Variants in SAMD5 observed in about 807,000 individuals in gnomAD.
SAMD5 encodes the protein sterile alpha motif domain containing 5.
SAMD5 carries 13 observed loss-of-function variants against 11.3 expected under a neutral mutation model. That is an observed-to-expected ratio of 1.15 (90% confidence interval 0.75 to 1.83). The LOEUF is 1.83. Ranked by LOEUF, SAMD5 falls within the 40% of genes most tolerant of loss-of-function variation. SAMD5 has a pLI of 0.00. For missense variants in SAMD5, 255 were observed against 239.1 expected (o/e 1.07, Z -0.44); for synonymous variants, 129 against 111.3 (o/e 1.16, Z -1.00).
downstream of SAMD5, among the ~76,000 whole-genome samples, chr6:147,742,144 A>T (rs6931879): frequency 0.56 from 84,971 of 152,000 alleles, 24,177 homozygotes; most frequent in Middle Eastern, 0.69. Flanking sequence ...ATGTGCAAAA[A>T]TGTAATAACA....
the SAMD5 span, among the ~76,000 whole-genome samples, chr6:147,809,398 C>T: frequency 2.6e-5 from 4 of 151,986 alleles, no homozygotes; most frequent in Non-Finnish European, 4.4e-5. Flanking sequence ...CTGTGGAGAA[C>T]GGACCACACA....
At chr6:147,613,058 A>G (rs1350822047) in intron 1 of SAMD5, among the ~76,000 whole-genome samples, 1 of 152,044 alleles carries the variant, frequency 6.6e-6, no homozygotes, top group Non-Finnish European at 1.5e-5. Flanking sequence ...AAAATTAGCC[A>G]TGTGTAGTGG....
chr6:147,781,304 T>A, the SAMD5 span, among the ~76,000 whole-genome samples: 4 of 152,134 alleles, frequency 2.6e-5, no homozygotes, highest in African/African-American at 9.6e-5. Context: ...TACAGGGACG[T>A]GCCACCATTC....
At chr6:147,926,965 G>T in the SAMD5 span, among the ~76,000 whole-genome samples, 3 of 152,100 alleles carry the variant, frequency 2.0e-5, no homozygotes, top group Admixed American at 2.0e-4. Context: ...CTTTGTCGAA[G>T]ATCAGATGGT....
intron 1 of SAMD5, among the ~76,000 whole-genome samples, chr6:147,706,442 G>A (rs1791326148): frequency 6.6e-6 from 1 of 152,166 alleles, no homozygotes; most frequent in African/African-American, 2.4e-5. Flanking sequence ...TGACCAGGCT[G>A]CTCTCGAACT....
At chr6:147,827,831 C>T in the SAMD5 span, among the ~76,000 whole-genome samples, 1 of 152,036 alleles carries the variant, frequency 6.6e-6, no homozygotes, top group Admixed American at 6.6e-5. Flanking sequence ...GCTCTGTGGC[C>T]CAGGCTGGAG....
chr6:147,818,776 A>C, the SAMD5 span, among the ~76,000 whole-genome samples: 4 of 152,216 alleles, frequency 2.6e-5, no homozygotes, highest in African/African-American at 9.7e-5. Flanking sequence ...AATAGTGATA[A>C]TCCAGAATGC....
intron 1 of SAMD5, among the ~76,000 whole-genome samples, chr6:147,625,459 C>T (rs896402827): frequency 1.3e-5 from 2 of 152,166 alleles, no homozygotes; most frequent in African/African-American, 4.8e-5. Context: ...GTTATTAAGT[C>T]AGTCAATTGT....
At chr6:147,735,698 G>A (rs1054880343) in intron 1 of SAMD5, among the ~76,000 whole-genome samples, 1 of 151,938 alleles carries the variant, frequency 6.6e-6, no homozygotes, top group African/African-American at 2.4e-5. Flanking sequence ...ATTCAAGGAG[G>A]GAGTTTCACT....
intron 1 of SAMD5, among the ~76,000 whole-genome samples, chr6:147,637,482 A>G (rs1790246349): frequency 1.3e-5 from 2 of 152,290 alleles, no homozygotes; most frequent in South Asian, 2.1e-4. Flanking sequence ...AGACTTCTCT[A>G]ATGTGCTTAT....
chr6:147,583,003 C>T (rs1406214920), intron 1 of SAMD5, among the ~76,000 whole-genome samples: 5 of 152,152 alleles, frequency 3.3e-5, no homozygotes, highest in African/African-American at 1.2e-4. Flanking sequence ...GCATCAGTGT[C>T]TGAGAAAACC....
At chr6:147,589,335 G>C (rs1440042264) in intron 1 of SAMD5, among the ~76,000 whole-genome samples, 1 of 152,096 alleles carries the variant, frequency 6.6e-6, no homozygotes, top group Non-Finnish European at 1.5e-5. Flanking sequence ...TCCATCTATA[G>C]GGACTTTTAA....
intron 1 of SAMD5, among the ~76,000 whole-genome samples, chr6:147,707,743 C>T (rs534492259): frequency 6.6e-6 from 1 of 152,196 alleles, no homozygotes; most frequent in East Asian, 1.9e-4. Context: ...TATTACCACC[C>T]CATACTAAAC....
At chr6:147,685,346 G>A (rs1790994279) in intron 1 of SAMD5, among the ~76,000 whole-genome samples, 1 of 152,114 alleles carries the variant, frequency 6.6e-6, no homozygotes. Context: ...ACAGGTGTTT[G>A]TATTTTTAGT....
intron 1 of SAMD5, among the ~76,000 whole-genome samples, chr6:147,692,904 T>G (rs1242302415): frequency 6.6e-6 from 1 of 152,228 alleles, no homozygotes; most frequent in Non-Finnish European, 1.5e-5. Flanking sequence ...GCTGTCTCTT[T>G]AGCACACAAT....
the SAMD5 span, among the ~76,000 whole-genome samples, chr6:147,875,118 T>C: frequency 6.6e-6 from 1 of 152,228 alleles, no homozygotes; most frequent in African/African-American, 2.4e-5. Flanking sequence ...AATAGTCACT[T>C]TAAAATTCTC....
At chr6:147,769,132 G>GT in the SAMD5 span, among the ~76,000 whole-genome samples, 1 of 152,146 alleles carries the variant, frequency 6.6e-6, no homozygotes, top group Non-Finnish European at 1.5e-5. Context: ...ATGTTAACCT[G>GT]CCTCACTGAC....
chr6:147,681,822 C>G (rs4452662), intron 1 of SAMD5, among the ~76,000 whole-genome samples: 17,499 of 152,124 alleles, frequency 0.12, 1,112 homozygotes, highest in Middle Eastern at 0.16. Context: ...CTTCTGAGCA[C>G]TGAACCCAGT....
At chr6:147,765,320 AT>A in the SAMD5 span, among the ~76,000 whole-genome samples, 2 of 152,208 alleles carry the variant, frequency 1.3e-5, no homozygotes, top group Non-Finnish European at 2.9e-5. Flanking sequence ...GGGAGGCTAA[AT>A]TCTTGTGTTA....
Sources: allele counts gnomAD v4.1 joint callset (sites outside exome capture counted in the v4.1 genomes callset), GRCh38; gene constraint gnomAD v4.1.1; transcripts MANE v1.5; gene names NCBI Gene and HGNC (gene_info 2026-07-23, HGNC 2026-07-21).